NLRC3: variants seen among roughly 807,000 people sequenced by gnomAD.
NLRC3 encodes the protein NLR family CARD domain-containing protein 3.
NLRC3 carries 87 observed loss-of-function variants against 91.6 expected under a neutral mutation model. The observed-to-expected ratio is 0.95, with a 90% CI of 0.80 to 1.14. The LOEUF (loss-of-function observed/expected upper bound fraction) is 1.14. Among genes scored for constraint, NLRC3 ranks in the 50% most tolerant of loss-of-function variants. The pLI is 0.00. For missense variants in NLRC3, 1,577 were observed against 1,418.6 expected (o/e 1.11, Z -1.79); for synonymous variants, 694 against 625.3 (o/e 1.11, Z -1.64).
rs750908365 is a variant in NLRC3, at chr16:3,563,588, G to A, written c.1349C>T (p.Ala450Val). The A allele has an allele frequency of 4.7e-5, 76 of 1,612,814 alleles. No homozygotes were observed. The highest frequency in any genetic ancestry group is 6.4e-5 in the Non-Finnish European group (75 of 1,179,680). Residue 450 changes from alanine to valine, a missense_variant, in exon 5 of 20, where the codon GCC (alanine) becomes GTC (valine). Coordinates refer to ENST00000359128, the MANE Select transcript of NLRC3 (RefSeq NM_178844.4). ...QREETLASSVAYCFTHLSLQE... is the reference protein window; with the variant it reads ...QREETLASSVVYCFTHLSLQE... ...CAGGGACAGGTGGGTGAAGCAGTAGGCCACTGACGATGCCAACGTCTCCTC... is the reference window on the plus strand; with the variant it reads ...CAGGGACAGGTGGGTGAAGCAGTAGACCACTGACGATGCCAACGTCTCCTC...
chr16:3,566,877 C>T (rs944109072), intron 2 of NLRC3, among the ~76,000 whole-genome samples: 15 of 152,114 alleles, frequency 9.9e-5, no homozygotes, highest in African/African-American at 2.4e-4. Flanking sequence ...AGGGGAAGAG[C>T]GAGACTCCGT....
rs145459238 is a variant in NLRC3 at position 3,564,908 on chromosome 16, C to T, written c.129G>A (p.Pro43=). The T allele has an allele frequency of 2.4e-3, 3,871 of 1,609,824 alleles. 18 individuals are homozygous for T. Among genetic ancestry groups the T allele is most frequent in the African/African-American group, 0.016 (1,166 of 75,054 alleles). The change falls in exon 4 of 20, where the codon CCG becomes CCA. Residue 43 remains proline (P), a synonymous_variant. Transcript: ENST00000359128. This position sits in a 1 kb window ranked among gnomAD's most constrained non-coding sequence, Gnocchi z 5.9. ...CATCCGGTGTCCTATCCAGGGCCTG[C>T]GGGGCCTGGGAGCCTTGACTGCCCT... is the stretch of plus-strand genomic sequence containing the variant. The part of the protein sequence containing the change: ...AGKGSQGSQA[P]QALDRTPDAP...
intron 1 of NLRC3, among the ~76,000 whole-genome samples, chr16:3,575,762 C>T (rs988548963): frequency 6.6e-6 from 1 of 152,226 alleles, no homozygotes; most frequent in Admixed American, 6.5e-5. Context: ...ATCTGTGCCT[C>T]AGTCCTTGCC....
In NLRC3 at chr16:3,554,305, C is replaced by G. The variant is rs1220076225; in HGVS notation, c.2204G>C (p.Arg735Thr). 1.9e-6 allele frequency: 3 copies of G among 1,613,786 alleles called. No individual in the cohort carries two copies. In the South Asian group the frequency reaches 3.3e-5, roughly 18 times the overall value. ...AGCCATGGACCTGGCACCATCATCC[C>G]TAACGGTGTTGCCCTGGAGGCTGCA... Reference protein sequence around the residue: ...TSLSLQGNTVRDDGARSMAEA... With the variant: ...TSLSLQGNTVTDDGARSMAEA... Residue 735 changes from arginine (R) to threonine (T), a missense_variant, in exon 9 of 20, where the codon AGG becomes ACG. By Grantham distance (71) the Arg-to-Thr change is moderately conservative (BLOSUM62 -1). Transcript: ENST00000359128.
rs1248914554 is a variant in NLRC3, at chr16:3,551,983, AT to A, written c.2351+212del. Among the ~76,000 whole-genome samples, 744 of 148,674 alleles carry A rather than the reference AT, an allele frequency of 5.0e-3. 8 individuals are homozygous for A. The highest frequency in any genetic ancestry group is 0.014 in the African/African-American group (540 of 39,822). The stretch of plus-strand genomic sequence containing the variant: ...CACTCATCAGTGTATCCCTTCATTC[AT>A]CCATCCATCCATCCATCCATCCATC... On this transcript the variant is annotated intron_variant, in intron 10 of 19. Transcript: ENST00000359128.
Position 3,563,605 on chromosome 16 carries a change from C to A in NLRC3, c.1332G>T (p.Thr444=). The change falls in exon 5 of 20, where the codon ACG becomes ACT. Residue 444 remains threonine (T), a synonymous_variant. Transcript: ENST00000359128. ...AGCAGTAGGCCACTGACGATGCCAACGTCTCCTCTCTCTGCAGGAAGCAGC... is the reference window on the plus strand; with the variant it reads ...AGCAGTAGGCCACTGACGATGCCAAAGTCTCCTCTCTCTGCAGGAAGCAGC... The part of the protein sequence containing the change: ...PCSCFLQREE[T]LASSVAYCFT... 6.2e-7 allele frequency: 1 copy of A among 1,613,250 alleles called. No homozygotes were observed. Among genetic ancestry groups the A allele is most frequent in the Non-Finnish European group, 8.5e-7 (1 of 1,179,768 alleles).
intron 12 of NLRC3, 31 bp downstream of exon 12, chr16:3,549,666 G>T: frequency 6.7e-7 from 1 of 1,493,946 alleles, no homozygotes; most frequent in Non-Finnish European, 9.1e-7. Flanking sequence ...TCAAAGAAAC[G>T]CCCTGTTTGG....
rs1384647168 is a variant in NLRC3, at chr16:3,550,471, C to G, written c.2378G>C (p.Gly793Ala). 14 of 1,613,276 alleles carry G rather than the reference C, an allele frequency of 8.7e-6. No homozygotes were observed. The highest frequency in any genetic ancestry group is 1.2e-5 in the Non-Finnish European group (14 of 1,179,358). Reference sequence around the variant, plus strand: ...GGCCTCAGCCAGGGCCTTGGCACCTCCATCACCAATACTATTACTGGAGAA... The same window carrying G: ...GGCCTCAGCCAGGGCCTTGGCACCTGCATCACCAATACTATTACTGGAGAA... ...LMFSSNSIGD[G>A]GAKALAEALK... Residue 793 changes from glycine to alanine, a missense_variant, in exon 11 of 20, where the codon GGA becomes GCA. Gly to Ala is a moderately conservative substitution (Grantham distance 60). Coordinates refer to ENST00000359128, the MANE Select transcript of NLRC3 (RefSeq NM_178844.4).
chr16:3,552,167 T>C (rs753959681), intron 10 of NLRC3, 29 bp downstream of exon 10: 18 of 1,329,992 alleles, frequency 1.4e-5, no homozygotes, highest in Non-Finnish European at 1.8e-5. Flanking sequence ...GCACTGAGGA[T>C]ACTAGTGTGG....
chr16:3,568,760 T>C (rs1465711422), intron 1 of NLRC3, among the ~76,000 whole-genome samples: 1 of 152,038 alleles, frequency 6.6e-6, no homozygotes, highest in Non-Finnish European at 1.5e-5. Flanking sequence ...TGAATTGACA[T>C]TGCCTCATGT....
In NLRC3 at chr16:3,561,775, G is replaced by A; in HGVS notation, c.1942C>T (p.Gln648Ter). The change falls in exon 6 of 20, where the codon CAG becomes TAG. Residue 648 changes from glutamine to a stop codon, truncating the protein, a stop_gained. Coordinates refer to ENST00000359128, the MANE Select transcript of NLRC3 (RefSeq NM_178844.4). LOFTEE classifies it high-confidence loss of function. The stretch of plus-strand genomic sequence containing the variant: ...AGCTCCATCACGGGGTCCTGGAACT[G>A]GTTGGTGTCCAGCCTGGCCAAGGGG... Reference protein sequence around the residue: ...YCRKLRLDTNQFQDPVMELLG... With the variant: ...YCRKLRLDTN 1.1e-5 allele frequency: 17 copies of A among 1,613,312 alleles called. No individual in the cohort carries two copies. Among genetic ancestry groups the A allele is most frequent in the Non-Finnish European group, 1.4e-5 (16 of 1,179,556 alleles).
At chr16:3,576,778 T>C (rs1196490973) in intron 1 of NLRC3, among the ~76,000 whole-genome samples, 1 of 152,208 alleles carries the variant, frequency 6.6e-6, no homozygotes, top group African/African-American at 2.4e-5. Context: ...TTCTCCTGCC[T>C]CAGCCTCCCG....
In NLRC3 at chr16:3,540,164, G is replaced by T. The variant is rs916040845; in HGVS notation, c.*1661C>A. The T allele has an allele frequency of 6.6e-6, 1 of 152,148 alleles. No homozygotes were observed. Among genetic ancestry groups the T allele is most frequent in the Non-Finnish European group, 1.5e-5 (1 of 68,020 alleles). The allele number at this position is 152,148 out of a possible 1,614,324, so 9.4% of individuals were successfully genotyped here. The stretch of plus-strand genomic sequence containing the variant: ...GGTACCTTTTTCCCTTTGTAAATTA[G>T]GATATCACCTTTGTGGGGTGCCGTT... On this transcript the variant is annotated 3_prime_UTR_variant, in exon 20 of 20. Coordinates refer to ENST00000359128, the MANE Select transcript of NLRC3 (RefSeq NM_178844.4).
intron 9 of NLRC3, 111 bp from the exon 10 acceptor site, chr16:3,552,390 T>G (rs1349794582): frequency 9.5e-6 from 7 of 736,350 alleles, no homozygotes; most frequent in African/African-American, 3.5e-5. Context: ...CTACATTTAT[T>G]GGAGCAGGTG....
At chr16:3,565,517 G>A (rs1003788071) in intron 2 of NLRC3, 137 bp from the exon 3 acceptor site, 2 of 361,728 alleles carry the variant, frequency 5.5e-6, no homozygotes, top group African/African-American at 4.3e-5. Flanking sequence ...AGCCACTCTG[G>A]GGACGCTACA....
rs1440890175 is a variant in NLRC3 at position 3,548,674 on chromosome 16, G to T, written c.2683C>A (p.Leu895Ile). Residue 895 changes from leucine to isoleucine, a missense_variant, in exon 14 of 20, where the codon CTT becomes ATT. Physicochemically the swap from Leu to Ile is conservative, Grantham distance 5. Coordinates refer to ENST00000359128, the MANE Select transcript of NLRC3 (RefSeq NM_178844.4). ...GGTGGAGAGCTGCAGACTCACTGAA[G>T]GGAGGTGAGGGTGCGGTTTTCTCTC... ...AVRENRTLTS[L>I]HLQWNFIQAG... 1.3e-6 allele frequency: 2 copies of T among 1,581,756 alleles called. No homozygotes were observed. The highest frequency in any genetic ancestry group is 2.3e-5 in the East Asian group (1 of 43,526).
At chr16:3,550,533 G>A in intron 10 of NLRC3, 36 bp from the exon 11 acceptor site, 1 of 1,484,942 alleles carries the variant, frequency 6.7e-7, no homozygotes, top group East Asian at 2.3e-5. Flanking sequence ...CCAGCCTCTG[G>A]GAGCTGCCAG....
chr16:3,568,669 A>G (rs2151104864), intron 1 of NLRC3, among the ~76,000 whole-genome samples: 1 of 152,236 alleles, frequency 6.6e-6, no homozygotes, highest in East Asian at 1.9e-4. Context: ...TGAGGCTGCA[A>G]TGAGCAGAGA....
At chr16:3,559,887 C>T (rs926447655) in intron 6 of NLRC3, among the ~76,000 whole-genome samples, 2 of 151,960 alleles carry the variant, frequency 1.3e-5, no homozygotes, top group African/African-American at 4.8e-5. Context: ...AAGTGATTCA[C>T]GGGCCTCAGT....
Sources: allele counts gnomAD v4.1 joint callset (sites outside exome capture counted in the v4.1 genomes callset), GRCh38; gene constraint gnomAD v4.1.1; non-coding constraint Gnocchi (gnomAD v3.1); transcripts MANE v1.5; gene names NCBI Gene and HGNC (gene_info 2026-07-23, HGNC 2026-07-21).